SLC66A1: variants seen among roughly 807,000 people sequenced by gnomAD.
SLC66A1 encodes lysosomal amino acid transporter 1 homolog.
SLC66A1 carries 23 observed loss-of-function variants against 33.0 expected under a neutral mutation model. That is an observed-to-expected ratio of 0.70 (90% confidence interval 0.50 to 0.99). The LOEUF (loss-of-function observed/expected upper bound fraction) is 0.99, where lower values mean the gene tolerates loss of function less well. Ranked by LOEUF, SLC66A1 falls within the 50% of genes least tolerant of loss-of-function variation. The probability of loss-of-function intolerance (pLI) is 0.00; values close to 1 mark genes in which losing one functional copy is unlikely to be tolerated. For synonymous variants in SLC66A1, 164 were observed against 175.5 expected (o/e 0.93, Z 0.52); for missense variants, 335 against 383.6 (o/e 0.87, Z 1.06).
downstream of SLC66A1, among the ~76,000 whole-genome samples, chr1:19,329,820 T>G (rs2093887603): frequency 6.6e-6 from 1 of 150,714 alleles, no homozygotes; most frequent in Admixed American, 6.6e-5. Flanking sequence ...CTGGAGGAGG[T>G]GATAGGTCAG....
At chr1:19,325,223 C>T (rs904862724) in intron 3 of SLC66A1, among the ~76,000 whole-genome samples, 11 of 152,202 alleles carry the variant, frequency 7.2e-5, no homozygotes, top group South Asian at 6.2e-4. Context: ...CACTTCACCG[C>T]GGAGTCCCAC....
intron 2 of SLC66A1, 142 bp downstream of exon 2, chr1:19,317,983 C>A: frequency 7.7e-7 from 1 of 1,299,534 alleles, no homozygotes; most frequent in Non-Finnish European, 1.1e-6. Context: ...CGACAGGGAC[C>A]TGCACTGATT....
rs754660635 is a variant in SLC66A1 at position 19,317,661 on chromosome 1, G to A, written c.-17G>A. On this transcript the variant is annotated 5_prime_UTR_variant, in exon 2 of 8. Transcript: ENST00000375153. ...CCGGTGCAGCCCTGCCTGGCCGGGG[G>A]CCCCTCCTCCACAGCCATGGTCTGG... 1 of 1,613,142 alleles carries A rather than the reference G, an allele frequency of 6.2e-7. No homozygotes were observed. The highest frequency in any genetic ancestry group is 8.5e-7 in the Non-Finnish European group (1 of 1,179,386).
chr1:19,321,247 C>T (rs1188278145), intron 2 of SLC66A1, among the ~76,000 whole-genome samples: 1 of 132,694 alleles, frequency 7.5e-6, no homozygotes, highest in Non-Finnish European at 1.5e-5. Context: ...GATCACATAG[C>T]TCATTGCAAC....
In SLC66A1 at chr1:19,325,581, G is replaced by T. The variant is rs1365743327; in HGVS notation, c.381G>T (p.Leu127=). The change falls in exon 4 of 8, where the codon CTG becomes CTT. Residue 127 remains leucine, a splice_region_variant and synonymous_variant. Transcript: ENST00000375153. ...FYYKFRTRPS[L]LSAPINSVLL... ...ACAAGTTCAGGACGCGCCCCTCTCT[G>T]TGTGAGTATGGGGACCGCTCTCTGT... 6.3e-7 allele frequency: 1 copy of T among 1,587,558 alleles called. No homozygotes were observed. Among genetic ancestry groups the T allele is most frequent in the African/African-American group, 1.4e-5 (1 of 73,968 alleles).
downstream of SLC66A1, among the ~76,000 whole-genome samples, chr1:19,332,334 A>T (rs6703263): frequency 0.042 from 6,366 of 152,298 alleles, 174 homozygotes; most frequent in African/African-American, 0.059. Context: ...GCCTCAGAAC[A>T]TAGCCGTGAT....
chr1:19,327,150 T>A (rs1166590210), intron 6 of SLC66A1, 77 bp from the exon 7 acceptor site: 2 of 1,383,744 alleles, frequency 1.4e-6, no homozygotes, highest in African/African-American at 2.9e-5. Flanking sequence ...GTGGGGCAGG[T>A]GGACATGTGG....
intron 1 of SLC66A1, among the ~76,000 whole-genome samples, chr1:19,313,524 G>A (rs939576746): frequency 6.6e-6 from 1 of 152,214 alleles, no homozygotes; most frequent in Non-Finnish European, 1.5e-5. Context: ...GTGTGGACAA[G>A]GGGAGAGGAG....
chr1:19,325,902 A>G (rs1362080941), intron 4 of SLC66A1, among the ~76,000 whole-genome samples: 2 of 152,304 alleles, frequency 1.3e-5, no homozygotes, highest in South Asian at 2.1e-4. Flanking sequence ...CAAGTCACAC[A>G]GGCTGCCTCT....
At chr1:19,325,330 A>G (rs934176429) in intron 3 of SLC66A1, among the ~76,000 whole-genome samples, 165 bp from the exon 4 acceptor site, 3 of 152,196 alleles carry the variant, frequency 2.0e-5, no homozygotes, top group Non-Finnish European at 4.4e-5. Flanking sequence ...TCATTCTGCC[A>G]GGTGGGAACT....
chr1:19,325,189 G>A (rs74888038), intron 3 of SLC66A1, among the ~76,000 whole-genome samples: 32,615 of 152,066 alleles, frequency 0.21, 4,072 homozygotes, highest in South Asian at 0.33. Flanking sequence ...TGACTGCCCT[G>A]GTGTCAGGCC....
intron 2 of SLC66A1, among the ~76,000 whole-genome samples, chr1:19,322,004 A>T (rs2093840291): frequency 6.6e-6 from 1 of 152,214 alleles, no homozygotes; most frequent in African/African-American, 2.4e-5. Flanking sequence ...CAAGTAAGCT[A>T]AACAGACACT....
At position 19,320,558 on chromosome 1, in the gene SLC66A1, C is replaced by T. The variant is rs1421419635; in HGVS notation, c.164+2717C>T. On this transcript the variant is annotated intron_variant, in intron 2 of 7. Coordinates refer to ENST00000375153, the MANE Select transcript of SLC66A1 (RefSeq NM_001040125.2). ...CCTCCCGAGTAGCTGGGACTACAGG[C>T]ACCTGCCACCACGCCTGGCTAATTT... Among the ~76,000 whole-genome samples the T allele has an allele frequency of 3.3e-5, 5 of 151,596 alleles. 1 individual carries two copies. The highest frequency in any genetic ancestry group is 7.4e-5 in the Non-Finnish European group (5 of 67,914).
chr1:19,328,765 G>C lies in SLC66A1; in HGVS notation c.*122G>C. On this transcript the variant is annotated 3_prime_UTR_variant, in exon 8 of 8. Coordinates refer to ENST00000375153, the MANE Select transcript of SLC66A1 (RefSeq NM_001040125.2). The surrounding 1 kb of genome is among the most constrained non-coding windows in gnomAD (Gnocchi z 4.7). Reference sequence around the variant, plus strand: ...CCTGCGGGTGGCCTCTGGATCCTCCGTGGACCGAACCGTCCCCCCAGGAAC... The same window carrying C: ...CCTGCGGGTGGCCTCTGGATCCTCCCTGGACCGAACCGTCCCCCCAGGAAC... 1 of 1,086,352 alleles carries C rather than the reference G, an allele frequency of 9.2e-7. No individual in the cohort carries two copies. The highest frequency in any genetic ancestry group is 1.3e-6 in the Non-Finnish European group (1 of 748,970). The allele number at this position is 1,086,352 out of a possible 1,614,324, so 67.3% of individuals were successfully genotyped here.
chr1:19,326,653 C>T lies in SLC66A1; in HGVS notation c.618+30C>T, dbSNP rs41264081. 4,639 of 1,608,126 alleles carry T rather than the reference C, an allele frequency of 2.9e-3. 11 individuals are homozygous for T. The highest frequency in any genetic ancestry group is 3.7e-3 in the Non-Finnish European group (4,309 of 1,174,782). On this transcript the variant is annotated intron_variant, in intron 6 of 7. Coordinates refer to ENST00000375153, the MANE Select transcript of SLC66A1 (RefSeq NM_001040125.2). Reference sequence around the variant, plus strand: ...GCCTCCAGCAGGGGCTGGGTGGGGCCGAGTAGAGGAGAGCTGGCCTGGCCA... The same window carrying T: ...GCCTCCAGCAGGGGCTGGGTGGGGCTGAGTAGAGGAGAGCTGGCCTGGCCA...
At chr1:19,316,901 G>T (rs1290516682) in intron 1 of SLC66A1, among the ~76,000 whole-genome samples, 9 of 121,086 alleles carry the variant, frequency 7.4e-5, no homozygotes, top group East Asian at 2.2e-4. Context: ...AGGGAGTCTT[G>T]CTCTGTCACC....
At chr1:19,320,688 T>A (rs551681280) in intron 2 of SLC66A1, among the ~76,000 whole-genome samples, 1 of 151,320 alleles carries the variant, frequency 6.6e-6, no homozygotes, top group Non-Finnish European at 1.5e-5. Context: ...GTGCTGGGAT[T>A]ACAGGCGTGA....
At chr1:19,321,321 G>T (rs77226574) in intron 2 of SLC66A1, among the ~76,000 whole-genome samples, 7 of 147,506 alleles carry the variant, frequency 4.7e-5, no homozygotes, top group African/African-American at 1.6e-4. Flanking sequence ...GACCACAGAC[G>T]TGCACCACTA....
chr1:19,322,987 T>C (rs539923712), intron 2 of SLC66A1, among the ~76,000 whole-genome samples: 1 of 151,858 alleles, frequency 6.6e-6, no homozygotes. Flanking sequence ...GCTCAAGTGA[T>C]CCTCCCACCT....
Sources: gnomAD v4.1 joint callset for allele counts (sites outside exome capture counted in the v4.1 genomes callset) on GRCh38, gnomAD v4.1.1 for gene constraint, Gnocchi (gnomAD v3.1) non-coding constraint, MANE v1.5 for transcripts, NCBI Gene and HGNC (gene_info 2026-07-23, HGNC 2026-07-21) for gene names.